The following COLGALT2 variants were observed in gnomAD, a reference collection of about 807,000 sequenced individuals.
The protein encoded by COLGALT2 is procollagen galactosyltransferase 2.
In COLGALT2, 49 loss-of-function variants were observed where a neutral mutation model predicts 73.4. That is an observed-to-expected ratio of 0.67 (90% CI 0.53 to 0.85). The LOEUF is 0.85. COLGALT2 is among the 40% of genes least tolerant of loss of function. The pLI, the probability that COLGALT2 is intolerant of heterozygous loss-of-function variation, is 0.00. For synonymous variants in COLGALT2, 295 were observed against 307.6 expected (o/e 0.96, Z 0.43); for missense variants, 722 against 790.2 (o/e 0.91, Z 1.03).
intron 1 of COLGALT2, among the ~76,000 whole-genome samples, chr1:183,994,745 C>T (rs1318744995): frequency 6.6e-5 from 10 of 152,170 alleles, no homozygotes; most frequent in Admixed American, 1.3e-4. Context: ...TGAGCCACTG[C>T]GCCTGGCCTT....
intron 1 of COLGALT2, among the ~76,000 whole-genome samples, chr1:183,982,837 T>C (rs1327878105): frequency 1.3e-5 from 2 of 152,194 alleles, no homozygotes; most frequent in Admixed American, 1.3e-4. Flanking sequence ...ATACAGCATC[T>C]ACTTCTTTCC....
At chr1:184,009,664 C>G (rs553337412) in intron 1 of COLGALT2, among the ~76,000 whole-genome samples, 1 of 152,258 alleles carries the variant, frequency 6.6e-6, no homozygotes, top group Non-Finnish European at 1.5e-5. Context: ...TGACAGAAGA[C>G]AATACCACTT....
At position 183,938,893 on chromosome 1, in the gene COLGALT2, C is replaced by T; in HGVS notation, c.1749G>A (p.Val583=). The T allele has an allele frequency of 6.2e-7, 1 of 1,614,136 alleles. No individual in the cohort carries two copies. The highest frequency in any genetic ancestry group is 8.5e-7 in the Non-Finnish European group (1 of 1,180,026). The change falls in exon 12 of 12, where the codon GTG becomes GTA. Residue 583 remains valine, a synonymous_variant. Transcript: ENST00000361927. ...CATGTGTCCTATCCCAGTCGGTGGC[C>T]ACTGTCTCATTGTCCCAGATGGTGG... ...ETSTIWDNET[V]ATDWDRTHAW...
intron 1 of COLGALT2, among the ~76,000 whole-genome samples, chr1:183,986,363 C>T (rs999415430): frequency 6.6e-6 from 1 of 152,144 alleles, no homozygotes; most frequent in African/African-American, 2.4e-5. Flanking sequence ...AATTCCTCAC[C>T]AACAAAATTA....
chr1:183,965,757 A>G (rs1353417301), intron 5 of COLGALT2, among the ~76,000 whole-genome samples: 1 of 151,440 alleles, frequency 6.6e-6, no homozygotes, highest in Admixed American at 6.6e-5. Context: ...AAACTAAGCA[A>G]AAAAGGCAAT....
intron 2 of COLGALT2, 57 bp downstream of exon 2, chr1:183,978,353 G>T: frequency 1.1e-6 from 1 of 932,816 alleles, no homozygotes; most frequent in Non-Finnish European, 1.7e-6. Context: ...GCCCTAAAGA[G>T]CTAGTTAAAG....
chr1:183,999,440 T>C (rs1411277395), intron 1 of COLGALT2, among the ~76,000 whole-genome samples: 1 of 152,182 alleles, frequency 6.6e-6, no homozygotes. Context: ...GGTCCTCATA[T>C]GATTTTAGTA....
chr1:184,032,040 C>G (rs1042250367), intron 1 of COLGALT2, among the ~76,000 whole-genome samples: 12 of 152,070 alleles, frequency 7.9e-5, no homozygotes, highest in African/African-American at 2.7e-4. Context: ...ACTATAGGTG[C>G]ATGCCATCGT....
intron 1 of COLGALT2, among the ~76,000 whole-genome samples, chr1:183,996,574 C>A (rs1035195893): frequency 2.0e-5 from 3 of 152,194 alleles, no homozygotes; most frequent in Non-Finnish European, 2.9e-5. Flanking sequence ...TTTTGACATT[C>A]CTGCAGGCTC....
chr1:184,004,388 A>C (rs1672013350), intron 1 of COLGALT2, among the ~76,000 whole-genome samples: 1 of 152,252 alleles, frequency 6.6e-6, no homozygotes, highest in Admixed American at 6.5e-5. Context: ...CAGTAACACA[A>C]AGGATTTATT....
chr1:184,031,817 A>ATCCTTCCT (rs57492822), intron 1 of COLGALT2, among the ~76,000 whole-genome samples: 22,127 of 139,110 alleles, frequency 0.16, 2,159 homozygotes, highest in East Asian at 0.36. Flanking sequence ...CCATGAATGT[A>ATCCTTCCT]TCCTTCCTTC....
At chr1:183,962,672 C>G (rs766665617) in intron 6 of COLGALT2, among the ~76,000 whole-genome samples, 1 of 152,188 alleles carries the variant, frequency 6.6e-6, no homozygotes, top group Admixed American at 6.5e-5. Context: ...ACTGCTCTAG[C>G]TCAGGTCCTC....
intron 4 of COLGALT2, among the ~76,000 whole-genome samples, chr1:183,972,989 G>A (rs918408534): frequency 6.6e-5 from 10 of 152,264 alleles, no homozygotes; most frequent in East Asian, 3.9e-4. Context: ...GTGAGCCACC[G>A]CGCCTGGCAT....
intron 11 of COLGALT2, 90 bp from the exon 12 acceptor site, chr1:183,939,127 C>T: frequency 1.2e-6 from 1 of 832,666 alleles, no homozygotes; most frequent in East Asian, 2.5e-5. Flanking sequence ...TCCTGGTTAC[C>T]TCATGAGTTC....
In COLGALT2 at chr1:183,951,023, C is replaced by T. The variant is rs769522296; in HGVS notation, c.1120G>A (p.Glu374Lys). 31 of 1,613,274 alleles carry T rather than the reference C, an allele frequency of 1.9e-5. No individual in the cohort carries two copies. The highest frequency in any genetic ancestry group is 2.5e-5 in the Non-Finnish European group (29 of 1,179,302). ...CCAACTCACTTTCCATCCACAGCCT[C>T]GACAATCTTGACCTCAATCTCCTGT... ...YEQEIEVKIV[E>K]AVDGKALNTS... is the part of the protein sequence containing the mutation. Residue 374 changes from glutamate to lysine, a missense_variant, in exon 8 of 12, where the codon GAG (glutamate) becomes AAG (lysine). Physicochemically the swap from Glu to Lys is moderately conservative, Grantham distance 56. Coordinates refer to ENST00000361927, the MANE Select transcript of COLGALT2 (RefSeq NM_015101.4).
At chr1:184,002,811 C>T (rs1480840978) in intron 1 of COLGALT2, among the ~76,000 whole-genome samples, 6 of 152,106 alleles carry the variant, frequency 3.9e-5, no homozygotes, top group Admixed American at 2.6e-4. Flanking sequence ...AAAGACTGGG[C>T]TTAATATCTA....
intron 1 of COLGALT2, among the ~76,000 whole-genome samples, chr1:184,036,827 G>C (rs1166724158): frequency 6.6e-6 from 1 of 152,186 alleles, no homozygotes; most frequent in East Asian, 1.9e-4. Context: ...GCCCCAATTC[G>C]CAGGCTACCC....
At chr1:183,954,506 CA>C (rs1395519491) in intron 7 of COLGALT2, among the ~76,000 whole-genome samples, 2 of 152,202 alleles carry the variant, frequency 1.3e-5, no homozygotes, top group Middle Eastern at 6.3e-3. Flanking sequence ...TAGAAAATAT[CA>C]AATTCACTTT....
In COLGALT2 at chr1:183,963,999, T is replaced by C. The variant is rs1376889098; in HGVS notation, c.854A>G (p.Asn285Ser). The change falls in exon 6 of 12, where the codon AAC becomes AGC. Residue 285 changes from asparagine to serine, a missense_variant. Physicochemically the swap from Asn to Ser is conservative, Grantham distance 46 (BLOSUM62 1). Transcript: ENST00000361927. ...RQAGIQMYLC[N>S]REHYGYLPIP... The stretch of plus-strand genomic sequence containing the variant: ...GGGCAGGTAGCCATAGTGCTCTCTG[T>C]TGCAGAGGTACATCTGGATGCCTGA... The C allele has an allele frequency of 1.9e-6, 3 of 1,613,268 alleles. No individual in the cohort carries two copies. In the Admixed American group the frequency reaches 5.0e-5, roughly 27 times the overall value.
Sources: gnomAD v4.1 joint callset for allele counts (sites outside exome capture counted in the v4.1 genomes callset) on GRCh38, gnomAD v4.1.1 for gene constraint, MANE v1.5 for transcripts, NCBI Gene and HGNC (gene_info 2026-07-23, HGNC 2026-07-21) for gene names.